PRIMA1: variants seen among roughly 807,000 people sequenced by gnomAD.
PRIMA1 encodes proline-rich membrane anchor 1.
A neutral mutation model predicts 17.5 loss-of-function variants in PRIMA1; 7 were observed. The ratio of observed to expected loss-of-function variants is 0.40; its 90% CI spans 0.23 to 0.75. The LOEUF (loss-of-function observed/expected upper bound fraction) is 0.75, where lower values mean the gene tolerates loss of function less well. PRIMA1 is among the 30% of genes least tolerant of loss of function. The pLI, the probability that PRIMA1 is intolerant of heterozygous loss-of-function variation, is 0.37. For missense variants in PRIMA1, 200 were observed against 201.8 expected (o/e 0.99, Z 0.05); for synonymous variants, 97 against 77.9 (o/e 1.25, Z -1.29).
Position 93,779,219 on chromosome 14 carries a change from C to CG in PRIMA1, c.185dup (p.Pro63AlafsTer24). The CG allele has an allele frequency of 2.4e-6, 1 of 408,234 alleles. No individual in the cohort carries two copies. Among genetic ancestry groups the CG allele is most frequent in the Non-Finnish European group, 3.2e-6 (1 of 316,496 alleles). 25.3% of individuals were successfully genotyped at this position (408,234 alleles called of 1,614,324 possible). ...TGGGAGGTGGCGGGGGTGGGGGCGGCGGGGGCAGCGGGGGAGGGGGCCGGC... is the reference window on the plus strand; with the variant it reads ...TGGGAGGTGGCGGGGGTGGGGGCGGCGGGGGGCAGCGGGGGAGGGGGCCGGC... On this transcript the variant is annotated frameshift_variant, in exon 3 of 5. Transcript: ENST00000393140. LOFTEE classifies it high-confidence loss of function.
In PRIMA1 at chr14:93,787,631, C is replaced by T. The variant is rs1885561822; in HGVS notation, c.88G>A (p.Val30Met). The T allele has an allele frequency of 6.5e-7, 1 of 1,541,564 alleles. No homozygotes were observed. The highest frequency in any genetic ancestry group is 2.4e-5 in the East Asian group (1 of 40,904). Reference sequence around the variant, plus strand: ...GCGCAGCCGGCGCGTCTCACCTGCACGAAGCCCCAGAGCGGGTGGAGCGCG... The same window carrying T: ...GCGCAGCCGGCGCGTCTCACCTGCATGAAGCCCCAGAGCGGGTGGAGCGCG... ...HCALHPLWGF[V>M]QVTHGEPQKS... The change falls in exon 2 of 5, where the codon GTG becomes ATG. Residue 30 changes from valine to methionine, a missense_variant. Coordinates refer to ENST00000393140, the MANE Select transcript of PRIMA1 (RefSeq NM_178013.4).
intron 3 of PRIMA1, among the ~76,000 whole-genome samples, chr14:93,770,463 G>A (rs548198395): frequency 2.6e-5 from 4 of 152,246 alleles, no homozygotes; most frequent in Admixed American, 6.5e-5. Flanking sequence ...CACACAGCCA[G>A]AGTGCTTCTC....
In PRIMA1 at chr14:93,737,537, T is replaced by C. The variant is rs567740371; in HGVS notation, c.230-167A>G. ...GTGGGGAGGTCACTGGTGGGACCAT[T>C]ATGGGTGACACCAACAGAGGCATGG... On this transcript the variant is annotated intron_variant, in intron 3 of 4. Transcript: ENST00000393140. Among the ~76,000 whole-genome samples, 90 of 140,454 alleles carry C rather than the reference T, an allele frequency of 6.4e-4. 1 individual carries two copies. The highest frequency in any genetic ancestry group is 2.1e-3 in the African/African-American group (76 of 35,516). The allele number at this position is 140,454 out of a possible 152,430, so 92.1% of individuals were successfully genotyped here. A position where few individuals can be genotyped will look rare whatever the true frequency, so the allele number is the denominator to read the frequency against.
intron 3 of PRIMA1, among the ~76,000 whole-genome samples, chr14:93,749,968 G>A (rs1387382147): frequency 6.6e-6 from 1 of 152,202 alleles, no homozygotes; most frequent in African/African-American, 2.4e-5. Flanking sequence ...ATCACCCAAG[G>A]TCAGGAGTTC....
At chr14:93,740,052 A>C (rs2076175271) in intron 3 of PRIMA1, among the ~76,000 whole-genome samples, 1 of 127,204 alleles carries the variant, frequency 7.9e-6, no homozygotes, top group Admixed American at 9.0e-5. Context: ...GTGACAGAGC[A>C]AGACTCCAGC....
chr14:93,779,554 A>T (rs1416439487), intron 2 of PRIMA1, among the ~76,000 whole-genome samples: 3 of 152,170 alleles, frequency 2.0e-5, no homozygotes, highest in Non-Finnish European at 4.4e-5. Context: ...TGGGCAAGTG[A>T]CCTGGATATG....
Position 93,737,255 on chromosome 14 carries a change from G to A in PRIMA1, c.345C>T (p.Tyr115=). The change falls in exon 4 of 5, where the codon TAC becomes TAT. Residue 115 remains tyrosine, a synonymous_variant. Transcript: ENST00000393140. The part of the protein sequence containing the change: ...VFLTVLVIIC[Y]KAIKRKPLRK... ...TGAGCACTCACCTTTTTATGGCTTT[G>A]TAGCAAATGATGACAAGCACAGTCA... The A allele has an allele frequency of 6.2e-7, 1 of 1,614,112 alleles. No homozygotes were observed. The highest frequency in any genetic ancestry group is 8.5e-7 in the Non-Finnish European group (1 of 1,180,012).
At chr14:93,752,636 G>T (rs1220928801) in intron 3 of PRIMA1, among the ~76,000 whole-genome samples, 1 of 152,202 alleles carries the variant, frequency 6.6e-6, no homozygotes, top group African/African-American at 2.4e-5. Flanking sequence ...AATATCCAAA[G>T]ACAATTTCTG....
intron 3 of PRIMA1, among the ~76,000 whole-genome samples, chr14:93,743,889 C>G (rs969824170): frequency 6.6e-6 from 1 of 152,188 alleles, no homozygotes; most frequent in African/African-American, 2.4e-5. Flanking sequence ...GCACGGGACT[C>G]GGTGCGCGCT....
chr14:93,758,955 ATC>A (rs58750000), intron 3 of PRIMA1, among the ~76,000 whole-genome samples: 60 of 152,258 alleles, frequency 3.9e-4, no homozygotes, highest in African/African-American at 1.4e-3. Context: ...AATATTTTGC[ATC>A]TCTCTGTTGT....
rs893466841 is a variant in PRIMA1 at position 93,730,032 on chromosome 14, GA to G, written c.359+7208del. On this transcript the variant is annotated intron_variant, in intron 4 of 4. Transcript: ENST00000393140. ...AGACGATTTCACTCACCCAGATAGAGAAAAAAAATGAGTTTACTGCAATTCT... is the reference window on the plus strand; with the variant it reads ...AGACGATTTCACTCACCCAGATAGAGAAAAAAATGAGTTTACTGCAATTCT... Among the ~76,000 whole-genome samples, 7 of 151,928 alleles carry G rather than the reference GA, an allele frequency of 4.6e-5. No homozygotes were observed. The East Asian group carries it at 5.8e-4, about 13-fold the overall frequency.
At chr14:93,760,411 G>A (rs879870601) in intron 3 of PRIMA1, among the ~76,000 whole-genome samples, 4 of 152,040 alleles carry the variant, frequency 2.6e-5, no homozygotes, top group African/African-American at 4.8e-5. Context: ...TATACCACCC[G>A]TCTTCGTGAA....
intron 3 of PRIMA1, among the ~76,000 whole-genome samples, chr14:93,747,897 A>C (rs2076232422): frequency 9.4e-6 from 1 of 105,948 alleles, no homozygotes; most frequent in African/African-American, 4.0e-5. Context: ...TGTGTGTATG[A>C]GTGTGTAAGA....
At chr14:93,780,609 G>T (rs1885349205) in intron 2 of PRIMA1, among the ~76,000 whole-genome samples, 1 of 152,292 alleles carries the variant, frequency 6.6e-6, no homozygotes, top group Admixed American at 6.5e-5. Flanking sequence ...CTCCCTGGTG[G>T]TTTTAAAAAA....
chr14:93,781,257 A>G (rs1207257711), intron 2 of PRIMA1, among the ~76,000 whole-genome samples: 2 of 152,212 alleles, frequency 1.3e-5, no homozygotes, highest in South Asian at 2.1e-4. Flanking sequence ...CAATTATTTT[A>G]CAGAAATGAT....
chr14:93,783,832 T>C (rs534843183), intron 2 of PRIMA1, among the ~76,000 whole-genome samples: 76 of 151,372 alleles, frequency 5.0e-4, no homozygotes, highest in Middle Eastern at 6.8e-3. Flanking sequence ...GGACACAGTG[T>C]TCCCAGCATC....
chr14:93,749,304 G>A (rs1008934768), intron 3 of PRIMA1, among the ~76,000 whole-genome samples: 2 of 152,178 alleles, frequency 1.3e-5, no homozygotes, highest in African/African-American at 4.8e-5. Context: ...CACCCTCGCT[G>A]CCTTGATGAC....
intron 3 of PRIMA1, among the ~76,000 whole-genome samples, chr14:93,758,864 T>C (rs1398363417): frequency 1.3e-5 from 2 of 152,068 alleles, no homozygotes; most frequent in African/African-American, 2.4e-5. Flanking sequence ...GAGGCCTGCA[T>C]GTTGGTGGGG....
At chr14:93,730,177 C>G (rs913164683) in intron 4 of PRIMA1, among the ~76,000 whole-genome samples, 1 of 152,118 alleles carries the variant, frequency 6.6e-6, no homozygotes, top group Non-Finnish European at 1.5e-5. Flanking sequence ...TGCCAGGCAC[C>G]GTCGGGAGAG....
Sources: allele counts gnomAD v4.1 joint callset (sites outside exome capture counted in the v4.1 genomes callset), GRCh38; gene constraint gnomAD v4.1.1; transcripts MANE v1.5; gene names NCBI Gene and HGNC (gene_info 2026-07-23, HGNC 2026-07-21).